AUH: variants seen among roughly 807,000 people sequenced by gnomAD.
AUH encodes methylglutaconyl-CoA hydratase, mitochondrial.
A neutral mutation model predicts 42.3 loss-of-function variants in AUH; 29 were observed. The observed-to-expected ratio is 0.69, with a 90% confidence interval of 0.51 to 0.93. The LOEUF (loss-of-function observed/expected upper bound fraction) is 0.93. Ranked by LOEUF, AUH falls within the 40% of genes least tolerant of loss-of-function variation. The pLI, the probability that AUH is intolerant of heterozygous loss-of-function variation, is 0.00. For missense variants in AUH, 452 were observed against 438.1 expected (o/e 1.03, Z -0.28); for synonymous variants, 174 against 166.4 (o/e 1.05, Z -0.35).
At chr9:91,266,255 G>C (rs1587725692) in intron 6 of AUH, among the ~76,000 whole-genome samples, 1 of 151,946 alleles carries the variant, frequency 6.6e-6, no homozygotes, top group African/African-American at 2.4e-5. Flanking sequence ...CCAGCTACTT[G>C]GGAGGCTGAG....
At chr9:91,235,688 T>G (rs970645921) in intron 6 of AUH, among the ~76,000 whole-genome samples, 2 of 152,196 alleles carry the variant, frequency 1.3e-5, no homozygotes, top group African/African-American at 4.8e-5. Context: ...GCCAACCACA[T>G]TTTATAAGTC....
At chr9:91,230,484 T>A (rs2131284886) in intron 6 of AUH, among the ~76,000 whole-genome samples, 1 of 152,190 alleles carries the variant, frequency 6.6e-6, no homozygotes, top group African/African-American at 2.4e-5. Context: ...TTCAACTTCT[T>A]TGCCTTTGGT....
chr9:91,337,346 C>T (rs181045379), intron 3 of AUH, among the ~76,000 whole-genome samples: 1 of 152,310 alleles, frequency 6.6e-6, no homozygotes, highest in African/African-American at 2.4e-5. Context: ...CAACTTACCT[C>T]CTCCTATTTC....
rs561958960 is a variant in AUH, at chr9:91,310,492, A to G, written c.506-12416T>C. Among the ~76,000 whole-genome samples, 6 of 152,338 alleles carry G rather than the reference A, an allele frequency of 3.9e-5. No individual in the cohort carries two copies. In the South Asian group the frequency reaches 1.2e-3, roughly 32 times the overall value. On this transcript the variant is annotated intron_variant, in intron 4 of 9. Transcript: ENST00000375731. ...AAAAAGCCAACTCATGGTTCTTGCA[A>G]TGGGGAGATATGGAAAGTACCAGAT...
chr9:91,286,335 A>T (rs1179265555), intron 6 of AUH, among the ~76,000 whole-genome samples: 1 of 152,092 alleles, frequency 6.6e-6, no homozygotes, highest in East Asian at 1.9e-4. Flanking sequence ...TCCCTCACCC[A>T]GGGAGGGGAA....
intron 4 of AUH, among the ~76,000 whole-genome samples, chr9:91,320,712 G>GA (rs1829503512): frequency 1.3e-5 from 2 of 152,194 alleles, no homozygotes; most frequent in African/African-American, 4.8e-5. Flanking sequence ...ACCGTGGACA[G>GA]AAAATATGGT....
intron 3 of AUH, among the ~76,000 whole-genome samples, chr9:91,336,629 G>A (rs1226355796): frequency 6.8e-6 from 1 of 147,852 alleles, no homozygotes; most frequent in African/African-American, 2.5e-5. Context: ...AGCAAGACTC[G>A]GTCTCCAAAA....
intron 6 of AUH, among the ~76,000 whole-genome samples, chr9:91,261,391 T>G (rs770604734): frequency 3.9e-5 from 6 of 152,350 alleles, no homozygotes; most frequent in Non-Finnish European, 4.4e-5. Context: ...TTCTACTTTC[T>G]TCAGGGTGTC....
intron 4 of AUH, among the ~76,000 whole-genome samples, chr9:91,310,137 C>T (rs534088473): frequency 6.6e-6 from 1 of 152,346 alleles, no homozygotes; most frequent in East Asian, 1.9e-4. Context: ...CCATCCCAAT[C>T]TAGCAAAGGA....
chr9:91,249,842 T>C (rs553379457), intron 6 of AUH, among the ~76,000 whole-genome samples: 1 of 151,704 alleles, frequency 6.6e-6, no homozygotes, highest in Admixed American at 6.6e-5. Flanking sequence ...AAACCCCATC[T>C]CTACTACAAA....
chr9:91,304,353 G>A (rs1828046429), intron 4 of AUH, among the ~76,000 whole-genome samples: 1 of 152,134 alleles, frequency 6.6e-6, no homozygotes, highest in Non-Finnish European at 1.5e-5. Flanking sequence ...CCTAGAAACA[G>A]CATAAAATAA....
At chr9:91,258,325 C>G (rs1249912705) in intron 6 of AUH, among the ~76,000 whole-genome samples, 1 of 150,678 alleles carries the variant, frequency 6.6e-6, no homozygotes, top group East Asian at 1.9e-4. Context: ...AAACCTCCAC[C>G]TCCTGGGTTA....
intron 4 of AUH, among the ~76,000 whole-genome samples, chr9:91,313,030 A>G (rs538470906): frequency 1.4e-5 from 2 of 144,506 alleles, no homozygotes; most frequent in South Asian, 4.4e-4. Flanking sequence ...GGACAAGAGG[A>G]AAAAAAACTA....
chr9:91,243,903 TAGA>T (rs1310195050), intron 6 of AUH, among the ~76,000 whole-genome samples: 4 of 152,224 alleles, frequency 2.6e-5, no homozygotes, highest in Non-Finnish European at 4.4e-5. Context: ...AGGACAGCAT[TAGA>T]AGATTTTGTT....
chr9:91,344,632 G>A lies in AUH; in HGVS notation c.418+11251C>T, dbSNP rs574898056. Reference sequence around the variant, plus strand: ...GAAACTTCCTAGACCAAATGACTTCGTTGGTGAATTTTACCAAACAATTAA... The same window carrying A: ...GAAACTTCCTAGACCAAATGACTTCATTGGTGAATTTTACCAAACAATTAA... On this transcript the variant is annotated intron_variant, in intron 3 of 9. Coordinates refer to ENST00000375731, the MANE Select transcript of AUH (RefSeq NM_001698.3). Among the ~76,000 whole-genome samples, 18 of 152,256 alleles carry A rather than the reference G, an allele frequency of 1.2e-4. No homozygotes were observed. In the South Asian group the frequency reaches 3.3e-3, roughly 28 times the overall value.
intron 6 of AUH, among the ~76,000 whole-genome samples, chr9:91,278,933 T>C (rs917752660): frequency 1.3e-5 from 2 of 152,156 alleles, no homozygotes; most frequent in Non-Finnish European, 2.9e-5. Context: ...ATAACATTTA[T>C]GTCAAATTCT....
chr9:91,237,112 A>C (rs1485998718), intron 6 of AUH, among the ~76,000 whole-genome samples: 1 of 152,232 alleles, frequency 6.6e-6, no homozygotes, highest in African/African-American at 2.4e-5. Flanking sequence ...GTGGCATTAA[A>C]CAGATAATGT....
intron 3 of AUH, among the ~76,000 whole-genome samples, chr9:91,330,486 A>AGTATTGGTGAAGGT (rs1394018131): frequency 1.3e-5 from 2 of 152,234 alleles, no homozygotes; most frequent in African/African-American, 4.8e-5. Context: ...TACCGCATAA[A>AGTATTGGTGAAGGT]GTATTGGTGA....
At chr9:91,258,934 T>C (rs1277874416) in intron 6 of AUH, among the ~76,000 whole-genome samples, 1 of 152,206 alleles carries the variant, frequency 6.6e-6, no homozygotes, top group Admixed American at 6.5e-5. Flanking sequence ...TGCTAAAATT[T>C]TGTTAGGACT....
Sources: gnomAD v4.1 joint callset for allele counts (sites outside exome capture counted in the v4.1 genomes callset) on GRCh38, gnomAD v4.1.1 for gene constraint, MANE v1.5 for transcripts, NCBI Gene and HGNC (gene_info 2026-07-23, HGNC 2026-07-21) for gene names.